ANKS1B: variants seen among roughly 807,000 people sequenced by gnomAD.
The protein encoded by ANKS1B is ankyrin repeat and sterile alpha motif domain-containing protein 1B.
Under a neutral mutation model 148.3 loss-of-function variants are expected in ANKS1B, and 36 were observed. The ratio of observed to expected loss-of-function variants is 0.24; its 90% CI spans 0.19 to 0.32. The LOEUF is 0.32. Ranked by LOEUF, ANKS1B falls within the 10% of genes least tolerant of loss-of-function variation. The pLI, the probability that ANKS1B is intolerant of heterozygous loss-of-function variation, is 1.00. For synonymous variants in ANKS1B, 542 were observed against 560.8 expected (o/e 0.97, Z 0.47); for missense variants, 1,157 against 1,542.6 (o/e 0.75, Z 4.19).
At chr12:99,973,684 C>G (rs956745091) in intron 1 of ANKS1B, among the ~76,000 whole-genome samples, 3 of 152,144 alleles carry the variant, frequency 2.0e-5, no homozygotes, top group African/African-American at 7.2e-5. Flanking sequence ...TTGAGGGATT[C>G]ATGATTTCAA....
chr12:99,696,633 C>T (rs1265037211), intron 8 of ANKS1B, among the ~76,000 whole-genome samples: 2 of 151,918 alleles, frequency 1.3e-5, no homozygotes. Context: ...TAGAAGATAA[C>T]AGGAAAAAAA....
rs187510813 is a variant in ANKS1B, at chr12:98,892,668, G to A, written c.2779-60532C>T. 6.1e-4 allele frequency among the ~76,000 whole-genome samples: 93 copies of A among 152,302 alleles called. No individual in the cohort carries two copies. In the East Asian group the frequency reaches 0.013, roughly 22 times the overall value. ...ATCACTTTAAACTGCTGACAAATAAGTGCACTTATGCAGTTTTATTTTTAA... is the reference window on the plus strand; with the variant it reads ...ATCACTTTAAACTGCTGACAAATAAATGCACTTATGCAGTTTTATTTTTAA... On this transcript the variant is annotated intron_variant, in intron 17 of 26. Coordinates refer to ENST00000683438, the MANE Select transcript of ANKS1B (RefSeq NM_001352186.2).
At chr12:98,849,222 C>T (rs1416860795) in intron 17 of ANKS1B, among the ~76,000 whole-genome samples, 1 of 151,628 alleles carries the variant, frequency 6.6e-6, no homozygotes, top group African/African-American at 2.4e-5. Context: ...AGTGTTTTCC[C>T]CAGCATTTCT....
At chr12:99,257,767 A>T (rs2075439039) in intron 12 of ANKS1B, among the ~76,000 whole-genome samples, 1 of 152,162 alleles carries the variant, frequency 6.6e-6, no homozygotes, top group Admixed American at 6.5e-5. Context: ...AAGCTTGTCA[A>T]TCTCATCAGG....
intron 12 of ANKS1B, among the ~76,000 whole-genome samples, chr12:99,312,978 C>A (rs922355605): frequency 6.6e-6 from 1 of 151,902 alleles, no homozygotes; most frequent in Non-Finnish European, 1.5e-5. Flanking sequence ...ATCAATGAAT[C>A]CAGGAGATGG....
At chr12:98,911,267 G>C (rs189969251) in intron 17 of ANKS1B, among the ~76,000 whole-genome samples, 1 of 152,230 alleles carries the variant, frequency 6.6e-6, no homozygotes, top group African/African-American at 2.4e-5. Context: ...TGCATTTGTA[G>C]AATCATAGTG....
At chr12:99,659,212 T>C (rs2098464288) in intron 8 of ANKS1B, among the ~76,000 whole-genome samples, 1 of 152,204 alleles carries the variant, frequency 6.6e-6, no homozygotes, top group Non-Finnish European at 1.5e-5. Context: ...TTTAACTTCA[T>C]TTCTTTACAG....
chr12:99,862,998 T>G (rs148452478), intron 1 of ANKS1B, among the ~76,000 whole-genome samples: 67 of 152,310 alleles, frequency 4.4e-4, no homozygotes, highest in African/African-American at 1.6e-3. Flanking sequence ...AGCAACTCTA[T>G]CCCTAGACCC....
chr12:98,978,484 G>A (rs2099901867), intron 17 of ANKS1B, among the ~76,000 whole-genome samples: 3 of 152,102 alleles, frequency 2.0e-5, no homozygotes, highest in Admixed American at 2.0e-4. Flanking sequence ...TGCAAACTGT[G>A]TGTGTGTGCG....
intron 14 of ANKS1B, among the ~76,000 whole-genome samples, chr12:99,186,280 C>T (rs1173034236): frequency 6.6e-6 from 1 of 152,198 alleles, no homozygotes; most frequent in Admixed American, 6.5e-5. Flanking sequence ...TGGGACAGAG[C>T]ACCTGGAGGA....
chr12:98,771,646 G>T (rs7295356), intron 25 of ANKS1B, among the ~76,000 whole-genome samples: 21,052 of 151,880 alleles, frequency 0.14, 1,626 homozygotes, highest in African/African-American at 0.19. Context: ...GCTAATTTTT[G>T]TTTGTTTGTT....
intron 17 of ANKS1B, among the ~76,000 whole-genome samples, chr12:98,836,842 A>T (rs1418790988): frequency 6.6e-6 from 1 of 152,244 alleles, no homozygotes; most frequent in South Asian, 2.1e-4. Flanking sequence ...GAAGCAATTC[A>T]GTTCGGCTCA....
chr12:99,194,038 G>A (rs1393938060), intron 14 of ANKS1B, among the ~76,000 whole-genome samples: 1 of 151,646 alleles, frequency 6.6e-6, no homozygotes, highest in Admixed American at 6.6e-5. Context: ...TTTACCTCGT[G>A]ATCCGCCCGC....
intron 1 of ANKS1B, among the ~76,000 whole-genome samples, chr12:99,944,278 CT>C (rs1227143790): frequency 6.6e-6 from 1 of 152,194 alleles, no homozygotes; most frequent in Non-Finnish European, 1.5e-5. Flanking sequence ...AAGTTTGCCC[CT>C]GTGGCTGTAT....
At chr12:98,795,106 C>T (rs1330702951) in intron 22 of ANKS1B, 12 of 554,260 alleles carry the variant, frequency 2.2e-5, no homozygotes, top group Non-Finnish European at 3.9e-5. Flanking sequence ...CCTACCTTGC[C>T]ATCTAATGGC....
intron 9 of ANKS1B, chr12:99,648,273 C>T (rs1254701369): frequency 1.2e-5 from 19 of 1,614,064 alleles, no homozygotes; most frequent in Admixed American, 1.7e-5. Context: ...GGCAACTGTA[C>T]AAAGGCGAGT....
intron 1 of ANKS1B, among the ~76,000 whole-genome samples, chr12:99,938,556 T>G (rs2094837454): frequency 6.6e-6 from 1 of 152,172 alleles, no homozygotes; most frequent in Non-Finnish European, 1.5e-5. Flanking sequence ...CTTCTTATAT[T>G]ATTCAAGTTG....
At chr12:99,485,729 C>A (rs2096480314) in intron 10 of ANKS1B, among the ~76,000 whole-genome samples, 1 of 151,904 alleles carries the variant, frequency 6.6e-6, no homozygotes, top group African/African-American at 2.4e-5. Flanking sequence ...TCTTTTGATT[C>A]TTTTTTCTTT....
At chr12:99,770,208 A>G (rs955678246) in intron 8 of ANKS1B, among the ~76,000 whole-genome samples, 8 of 152,292 alleles carry the variant, frequency 5.3e-5, no homozygotes, top group Admixed American at 3.9e-4. Context: ...GCATTAGAGT[A>G]GCAAATAGCA....
Sources: gnomAD v4.1 joint callset for allele counts (sites outside exome capture counted in the v4.1 genomes callset) on GRCh38, gnomAD v4.1.1 for gene constraint, MANE v1.5 for transcripts, NCBI Gene and HGNC (gene_info 2026-07-23, HGNC 2026-07-21) for gene names.